Variants in RBM26 observed in about 807,000 individuals in gnomAD.
The protein encoded by RBM26 is RNA binding motif protein 26.
RBM26 carries 30 observed loss-of-function variants against 123.6 expected under a neutral mutation model. That is an observed-to-expected ratio of 0.24 (90% CI 0.18 to 0.33). The LOEUF is 0.33. RBM26 is among the 10% of genes least tolerant of loss of function. The pLI, the probability that RBM26 is intolerant of heterozygous loss-of-function variation, is 1.00. For synonymous variants in RBM26, 400 were observed against 404.4 expected (o/e 0.99, Z 0.13); for missense variants, 947 against 1,203.6 (o/e 0.79, Z 3.15).
chr13:79,394,068 A>G (rs1246136181), intron 1 of RBM26, among the ~76,000 whole-genome samples: 1 of 152,196 alleles, frequency 6.6e-6, no homozygotes, highest in East Asian at 1.9e-4. Flanking sequence ...ACAGTAGCAA[A>G]GCCGGGATCC....
At chr13:79,369,738 C>T (rs1566487457) in intron 5 of RBM26, among the ~76,000 whole-genome samples, 1 of 152,234 alleles carries the variant, frequency 6.6e-6, no homozygotes, top group Non-Finnish European at 1.5e-5. Context: ...GAATGACACG[C>T]TCTTGCAAAA....
At chr13:79,395,662 T>C in intron 1 of RBM26, among the ~76,000 whole-genome samples, 1 of 152,098 alleles carries the variant, frequency 6.6e-6, no homozygotes. Flanking sequence ...AAAGAATCCC[T>C]TGAGCCCAGG....
chr13:79,334,229 A>T, intron 20 of RBM26, 115 bp downstream of exon 20: 1 of 588,272 alleles, frequency 1.7e-6, no homozygotes, highest in Non-Finnish European at 2.9e-6. Context: ...CAGGTGTTCT[A>T]CCTATTGTCA....
chr13:79,365,748 C>T, intron 8 of RBM26, 30 bp from the exon 9 acceptor site: 2 of 1,594,886 alleles, frequency 1.3e-6, no homozygotes, highest in Admixed American at 1.7e-5. Flanking sequence ...AATTAAAAAA[C>T]AATTATAAAA....
At chr13:79,339,038 A>G (rs1449811142) in intron 18 of RBM26, among the ~76,000 whole-genome samples, 1 of 152,198 alleles carries the variant, frequency 6.6e-6, no homozygotes, top group Admixed American at 6.5e-5. Context: ...AAGCAGGCAC[A>G]GCTGCCAAAT....
rs1050870462 is a variant in RBM26 at position 79,406,170 on chromosome 13, G to C, written c.-396C>G. The C allele has an allele frequency of 1.3e-5, 2 of 158,704 alleles. No homozygotes were observed. Among genetic ancestry groups the C allele is most frequent in the Non-Finnish European group, 2.8e-5 (2 of 72,458 alleles). 9.8% of individuals were successfully genotyped at this position (158,704 alleles called of 1,614,324 possible). On this transcript the variant is annotated 5_prime_UTR_variant, in exon 1 of 22. Coordinates refer to ENST00000438737, the MANE Select transcript of RBM26 (RefSeq NM_001366735.2). ...CAAAAGTAAAGAAAGCGAAGGCGAA[G>C]GGCAGCTCAATGGGAACGATTCAGG...
chr13:79,385,554 T>G (rs2077409009), intron 1 of RBM26, among the ~76,000 whole-genome samples: 1 of 152,234 alleles, frequency 6.6e-6, no homozygotes. Flanking sequence ...GAACAGTGGT[T>G]CTCAAACTTT....
intron 9 of RBM26, among the ~76,000 whole-genome samples, chr13:79,364,760 T>C (rs2075081367): frequency 6.6e-6 from 1 of 152,186 alleles, no homozygotes; most frequent in East Asian, 1.9e-4. Flanking sequence ...TTGTACCTTT[T>C]AGAAATTTTA....
intron 2 of RBM26, 27 bp downstream of exon 2, chr13:79,378,762 G>C (rs1436215111): frequency 1.5e-6 from 2 of 1,343,768 alleles, no homozygotes; most frequent in Admixed American, 1.8e-5. Flanking sequence ...TTAAAATATA[G>C]TAGTATTTTT....
At chr13:79,373,726 A>G (rs1163431992) in intron 3 of RBM26, among the ~76,000 whole-genome samples, 2 of 54,966 alleles carry the variant, frequency 3.6e-5, no homozygotes, top group East Asian at 3.7e-4. Flanking sequence ...ACTATATATA[A>G]TAATATATAA....
chr13:79,341,027 T>G (rs2071290194), intron 18 of RBM26, 96 bp downstream of exon 18: 1 of 653,022 alleles, frequency 1.5e-6, no homozygotes, highest in Admixed American at 3.1e-5. Context: ...CAACAATTAC[T>G]AATGAGAATG....
At chr13:79,324,997 A>G (rs187332984) in intron 20 of RBM26, among the ~76,000 whole-genome samples, 144 of 152,154 alleles carry the variant, frequency 9.5e-4, no homozygotes, top group Middle Eastern at 3.4e-3. Flanking sequence ...ACTATATACA[A>G]AAGTGGTCCC....
In RBM26 at chr13:79,400,912, TAA is replaced by T. The variant is rs2079009453; in HGVS notation, c.71+4790_71+4791del. Reference sequence around the variant, plus strand: ...GGCTGAGGGCAAATTAACAAAAAATTAAAAGTCTGACTACTACTTCAAGATTT... The same window carrying T: ...GGCTGAGGGCAAATTAACAAAAAATTAAGTCTGACTACTACTTCAAGATTT... On this transcript the variant is annotated intron_variant, in intron 1 of 21. Transcript: ENST00000438737. Among the ~76,000 whole-genome samples, 6 of 152,256 alleles carry T rather than the reference TAA, an allele frequency of 3.9e-5. No individual in the cohort carries two copies. The South Asian group carries it at 1.2e-3, about 32-fold the overall frequency.
intron 1 of RBM26, among the ~76,000 whole-genome samples, chr13:79,383,104 A>G (rs893418872): frequency 4.0e-3 from 7 of 1,740 alleles, no homozygotes; most frequent in Non-Finnish European, 0.011. Flanking sequence ...TTTTTTTAAA[A>G]TAATCAGAGG....
chr13:79,344,646 T>G, intron 15 of RBM26, 23 bp downstream of exon 15: 1 of 1,592,104 alleles, frequency 6.3e-7, no homozygotes, highest in South Asian at 1.2e-5. Flanking sequence ...AAAAATTTTT[T>G]ATACTATACC....
chr13:79,403,895 C>T (rs1277052436), intron 1 of RBM26, among the ~76,000 whole-genome samples: 2 of 152,166 alleles, frequency 1.3e-5, no homozygotes, highest in Non-Finnish European at 1.5e-5. Flanking sequence ...TTTTTTCATG[C>T]ATTCTGCAGC....
intron 14 of RBM26, among the ~76,000 whole-genome samples, 175 bp from the exon 15 acceptor site, chr13:79,344,969 T>G (rs1328406595): frequency 6.6e-6 from 1 of 151,830 alleles, no homozygotes; most frequent in Non-Finnish European, 1.5e-5. Flanking sequence ...AAAGGTAGAG[T>G]ATAAATAATA....
chr13:79,366,317 C>A, intron 7 of RBM26, 122 bp from the exon 8 acceptor site: 1 of 1,106,300 alleles, frequency 9.0e-7, no homozygotes, highest in Non-Finnish European at 1.3e-6. Flanking sequence ...CAAGCCCTTA[C>A]AACTGAATTA....
chr13:79,392,403 TATTAA>T (rs1365380485), intron 1 of RBM26, among the ~76,000 whole-genome samples: 3 of 145,534 alleles, frequency 2.1e-5, no homozygotes, highest in Non-Finnish European at 4.5e-5. Flanking sequence ...TTTCTTAAAT[TATTAA>T]ATTAATCTCT....
Sources: gnomAD v4.1 joint callset for allele counts (sites outside exome capture counted in the v4.1 genomes callset) on GRCh38, gnomAD v4.1.1 for gene constraint, MANE v1.5 for transcripts, NCBI Gene and HGNC (gene_info 2026-07-23, HGNC 2026-07-21) for gene names.